The following KCTD16 variants were observed in gnomAD, a reference collection of about 807,000 sequenced individuals.
KCTD16 encodes the protein potassium channel tetramerization domain containing 16.
In KCTD16, 13 loss-of-function variants were observed where a neutral mutation model predicts 33.2. The ratio of observed to expected loss-of-function variants is 0.39; its 90% CI spans 0.25 to 0.62. The LOEUF (loss-of-function observed/expected upper bound fraction) is 0.62, where lower values mean the gene tolerates loss of function less well. Among genes scored for constraint, KCTD16 ranks in the 20% least tolerant of loss-of-function variants. KCTD16 has a pLI of 0.50. For synonymous variants in KCTD16, 197 were observed against 195.3 expected (o/e 1.01, Z -0.07); for missense variants, 441 against 525.1 (o/e 0.84, Z 1.57).
chr5:144,299,911 A>C (rs953192222), intron 3 of KCTD16, among the ~76,000 whole-genome samples: 8 of 147,474 alleles, frequency 5.4e-5, no homozygotes, highest in East Asian at 1.9e-4. Context: ...AAAAAAAAAA[A>C]AAAACAAAAA....
intron 3 of KCTD16, among the ~76,000 whole-genome samples, chr5:144,290,765 A>G (rs1188159730): frequency 6.6e-6 from 1 of 152,164 alleles, no homozygotes; most frequent in Non-Finnish European, 1.5e-5. Context: ...TTTACCTTTC[A>G]TAATTTCAGC....
At chr5:144,219,818 C>T (rs1753685338) in intron 3 of KCTD16, among the ~76,000 whole-genome samples, 2 of 152,070 alleles carry the variant, frequency 1.3e-5, no homozygotes, top group South Asian at 4.2e-4. Context: ...AACACCGCGC[C>T]TGGCCTCTCC....
intron 3 of KCTD16, among the ~76,000 whole-genome samples, chr5:144,445,418 A>G (rs1250090226): frequency 6.6e-6 from 1 of 152,014 alleles, no homozygotes; most frequent in Non-Finnish European, 1.5e-5. Flanking sequence ...TCATTCTGGC[A>G]TGAATTTATT....
chr5:144,447,909 C>T (rs963446737), intron 3 of KCTD16, among the ~76,000 whole-genome samples: 1 of 152,020 alleles, frequency 6.6e-6, no homozygotes, highest in African/African-American at 2.4e-5. Flanking sequence ...TCAGATTATA[C>T]CCTAGACCAC....
intron 3 of KCTD16, among the ~76,000 whole-genome samples, chr5:144,422,414 T>C (rs539628088): frequency 6.6e-6 from 1 of 152,334 alleles, no homozygotes; most frequent in East Asian, 1.9e-4. Flanking sequence ...GATCCACAAG[T>C]AGAAGTATTT....
At chr5:144,239,793 T>A (rs10051681) in intron 3 of KCTD16, among the ~76,000 whole-genome samples, 10,179 of 152,102 alleles carry the variant, frequency 0.067, 1,048 homozygotes, top group African/African-American at 0.22. Context: ...TATATGTAGA[T>A]TTTAAGGCTG....
intron 3 of KCTD16, among the ~76,000 whole-genome samples, chr5:144,335,309 C>T (rs920988845): frequency 2.6e-5 from 4 of 152,184 alleles, no homozygotes; most frequent in Non-Finnish European, 4.4e-5. Context: ...GAGAAAGACT[C>T]TTTAGAAAAA....
chr5:144,297,395 T>A (rs1447927830), intron 3 of KCTD16, among the ~76,000 whole-genome samples: 1 of 152,184 alleles, frequency 6.6e-6, no homozygotes, highest in Non-Finnish European at 1.5e-5. Context: ...GGTTCAGGGT[T>A]GGTTAAGCAA....
At chr5:144,317,806 T>C (rs908790916) in intron 3 of KCTD16, among the ~76,000 whole-genome samples, 1 of 152,200 alleles carries the variant, frequency 6.6e-6, no homozygotes. Flanking sequence ...CACTGACATG[T>C]ACGTTGTATT....
intron 3 of KCTD16, among the ~76,000 whole-genome samples, chr5:144,346,579 T>G (rs1752806355): frequency 6.6e-6 from 1 of 152,214 alleles, no homozygotes; most frequent in Non-Finnish European, 1.5e-5. Context: ...AATATCTCAT[T>G]GCAGTTTTGA....
chr5:144,386,515 C>T (rs572253192), intron 3 of KCTD16, among the ~76,000 whole-genome samples: 2 of 152,278 alleles, frequency 1.3e-5, no homozygotes, highest in African/African-American at 4.8e-5. Context: ...TTCATTTGTA[C>T]AGTTCCTACT....
chr5:144,421,412 G>T (rs887456978), intron 3 of KCTD16, among the ~76,000 whole-genome samples: 1 of 152,056 alleles, frequency 6.6e-6, no homozygotes, highest in Admixed American at 6.6e-5. Context: ...TACTTGCATG[G>T]GTTGATTTAT....
At position 144,481,694 on chromosome 5, in the gene KCTD16, A is replaced by C. The variant is rs1156325956; in HGVS notation, c.*7580A>C. 1 of 151,918 alleles carries C rather than the reference A, an allele frequency of 6.6e-6. No homozygotes were observed. The highest frequency in any genetic ancestry group is 1.5e-5 in the Non-Finnish European group (1 of 67,930). 9.4% of individuals were successfully genotyped at this position (151,918 alleles called of 1,614,324 possible). On this transcript the variant is annotated 3_prime_UTR_variant, in exon 4 of 4. Transcript: ENST00000512467. ...TTGTTTATGCATATATCCAGCAAAT[A>C]TTTGTTGGGTACATACTATATATAG... is the stretch of plus-strand genomic sequence containing the variant.
intron 3 of KCTD16, among the ~76,000 whole-genome samples, chr5:144,264,465 T>C (rs1017674079): frequency 3.9e-5 from 6 of 152,246 alleles, no homozygotes; most frequent in African/African-American, 1.4e-4. Flanking sequence ...TTAGAAACAA[T>C]GAACAGGTCA....
At chr5:144,299,965 C>T (rs190101940) in intron 3 of KCTD16, among the ~76,000 whole-genome samples, 1 of 151,078 alleles carries the variant, frequency 6.6e-6, no homozygotes, top group East Asian at 1.9e-4. Flanking sequence ...GATTACAACC[C>T]AGAAAAACTT....
chr5:144,344,538 G>A (rs1752733749), intron 3 of KCTD16, among the ~76,000 whole-genome samples: 1 of 151,448 alleles, frequency 6.6e-6, no homozygotes, highest in African/African-American at 2.4e-5. Flanking sequence ...TCAAAAAGTG[G>A]GCAAAGGACA....
intron 3 of KCTD16, among the ~76,000 whole-genome samples, chr5:144,267,458 C>T (rs1465745136): frequency 2.0e-5 from 3 of 152,180 alleles, no homozygotes; most frequent in Non-Finnish European, 4.4e-5. Flanking sequence ...TTATGTGAGA[C>T]AAGCCTCACT....
chr5:144,251,200 C>T (rs964759691), intron 3 of KCTD16, among the ~76,000 whole-genome samples: 1 of 152,036 alleles, frequency 6.6e-6, no homozygotes, highest in South Asian at 2.1e-4. Context: ...AGAATTTTAG[C>T]TTATCAAGCT....
chr5:144,462,305 G>A (rs1754214564), intron 3 of KCTD16, among the ~76,000 whole-genome samples: 1 of 151,778 alleles, frequency 6.6e-6, no homozygotes, highest in South Asian at 2.1e-4. Flanking sequence ...ATCACTTTTG[G>A]CCACATTCAT....
Sources: gnomAD v4.1 joint callset for allele counts (sites outside exome capture counted in the v4.1 genomes callset) on GRCh38, gnomAD v4.1.1 for gene constraint, MANE v1.5 for transcripts, NCBI Gene and HGNC (gene_info 2026-07-23, HGNC 2026-07-21) for gene names.